CRACD: variants seen among roughly 807,000 people sequenced by gnomAD.
CRACD encodes the protein capping protein-inhibiting regulator of actin dynamics.
Under a neutral mutation model 106.8 loss-of-function variants are expected in CRACD, and 56 were observed. That is an observed-to-expected ratio of 0.52 (90% CI 0.42 to 0.66). The LOEUF (loss-of-function observed/expected upper bound fraction) is 0.66, where lower values mean the gene tolerates loss of function less well. Ranked by LOEUF, CRACD falls within the 30% of genes least tolerant of loss-of-function variation. The pLI is 0.00. For missense variants in CRACD, 1,730 were observed against 1,623.2 expected (o/e 1.07, Z -1.13); for synonymous variants, 754 against 670.8 (o/e 1.12, Z -1.92).
intron 1 of CRACD, among the ~76,000 whole-genome samples, chr4:56,133,712 TTGAAAC>T (rs2109868106): frequency 6.6e-6 from 1 of 152,320 alleles, no homozygotes; most frequent in Non-Finnish European, 1.5e-5. Context: ...GCTGAATTGG[TTGAAAC>T]AAGGATATGA....
chr4:56,321,246 G>T, intron 8 of CRACD: 2 of 236,614 alleles, frequency 8.5e-6, no homozygotes. Flanking sequence ...TGTGGACCTG[G>T]GATTGGGGTA....
chr4:56,219,677 T>A (rs1738924551), intron 2 of CRACD, among the ~76,000 whole-genome samples: 1 of 152,194 alleles, frequency 6.6e-6, no homozygotes, highest in South Asian at 2.1e-4. Context: ...TAGGAAAACA[T>A]CCTGGTCAAG....
chr4:56,323,967 C>G, intron 9 of CRACD, 137 bp from the exon 10 acceptor site: 1 of 919,628 alleles, frequency 1.1e-6, no homozygotes, highest in Non-Finnish European at 1.6e-6. Context: ...GCGTACATGG[C>G]TCATACATGT....
chr4:56,127,090 TC>T (rs1360026309), intron 1 of CRACD, among the ~76,000 whole-genome samples: 2 of 152,100 alleles, frequency 1.3e-5, no homozygotes, highest in African/African-American at 4.8e-5. Context: ...GGTTAGGTGC[TC>T]TTATGAAAGG....
At chr4:56,120,752 C>G (rs1398438501) in intron 1 of CRACD, among the ~76,000 whole-genome samples, 1 of 152,158 alleles carries the variant, frequency 6.6e-6, no homozygotes, top group Non-Finnish European at 1.5e-5. Flanking sequence ...TTTTAAATAT[C>G]CATGTATAAA....
chr4:56,171,072 TA>T (rs1213249030), intron 1 of CRACD, among the ~76,000 whole-genome samples: 1 of 151,704 alleles, frequency 6.6e-6, no homozygotes, highest in East Asian at 1.9e-4. Context: ...AAGAAACAAA[TA>T]AGATTTTTAA....
At chr4:56,204,042 A>C (rs1241054546) in intron 2 of CRACD, among the ~76,000 whole-genome samples, 2 of 152,260 alleles carry the variant, frequency 1.3e-5, no homozygotes, top group African/African-American at 2.4e-5. Context: ...TTTCAGATGG[A>C]CACAGCCCTG....
intron 10 of CRACD, among the ~76,000 whole-genome samples, chr4:56,325,364 G>A (rs1746372289): frequency 6.6e-6 from 1 of 152,154 alleles, no homozygotes; most frequent in African/African-American, 2.4e-5. Flanking sequence ...TGTGTAAAAT[G>A]TTGTATCTGA....
chr4:56,318,952 A>G (rs1211319374), intron 8 of CRACD, among the ~76,000 whole-genome samples: 1 of 152,068 alleles, frequency 6.6e-6, no homozygotes, highest in Non-Finnish European at 1.5e-5. Flanking sequence ...TCTTTGGCCA[A>G]CTTCTTCTTG....
chr4:56,316,398 A>G lies in CRACD; in HGVS notation c.2896A>G (p.Lys966Glu), dbSNP rs914502413. ...PLAQKPALAP[K>E]PTSQTPPASP... is the part of the protein sequence containing the mutation. ...GGCACAAAAGCCAGCACTGGCTCCC[A>G]AGCCCACCAGTCAGACCCCACCAGC... Residue 966 changes from lysine (K) to glutamate (E), a missense_variant, in exon 8 of 11, where the codon AAG (lysine) becomes GAG (glutamate). Transcript: ENST00000682029. 1.2e-6 allele frequency: 2 copies of G among 1,614,036 alleles called. No individual in the cohort carries two copies. The highest frequency in any genetic ancestry group is 2.7e-5 in the African/African-American group (2 of 74,944).
At chr4:56,313,589 G>A (rs62310633) in intron 7 of CRACD, among the ~76,000 whole-genome samples, 38,534 of 152,136 alleles carry the variant, frequency 0.25, 5,689 homozygotes, top group Non-Finnish European at 0.34. Flanking sequence ...CAGAGGGAGC[G>A]GTTGCCTTTT....
intron 1 of CRACD, among the ~76,000 whole-genome samples, chr4:56,068,555 A>G (rs576964034): frequency 6.6e-6 from 1 of 152,192 alleles, no homozygotes; most frequent in Non-Finnish European, 1.5e-5. Context: ...AAGGAGTATA[A>G]GAGCAGGGAG....
chr4:56,231,772 T>C (rs1483652956), intron 2 of CRACD, among the ~76,000 whole-genome samples: 1 of 152,190 alleles, frequency 6.6e-6, no homozygotes, highest in East Asian at 1.9e-4. Context: ...TGCTGTTGGA[T>C]TTCTTGATCT....
chr4:56,288,167 CCTTTTTTCTT>C (rs1022285204), intron 3 of CRACD, among the ~76,000 whole-genome samples: 1 of 152,110 alleles, frequency 6.6e-6, no homozygotes, highest in Non-Finnish European at 1.5e-5. Context: ...CTCTTCTTCT[CCTTTTTTCTT>C]CCTCTTTTCT....
intron 2 of CRACD, among the ~76,000 whole-genome samples, chr4:56,217,151 G>A (rs769807646): frequency 9.2e-5 from 14 of 152,038 alleles, no homozygotes; most frequent in Admixed American, 2.0e-4. Flanking sequence ...TCAGATGTCC[G>A]AGTTTCCTAG....
intron 4 of CRACD, among the ~76,000 whole-genome samples, chr4:56,306,699 G>C (rs1744733811): frequency 6.6e-6 from 1 of 152,094 alleles, no homozygotes; most frequent in Admixed American, 6.5e-5. Flanking sequence ...TTTCTAATCT[G>C]GCCTTCCTCT....
chr4:56,258,079 A>AG (rs1741479917), intron 2 of CRACD, among the ~76,000 whole-genome samples: 1 of 151,108 alleles, frequency 6.6e-6, no homozygotes. Flanking sequence ...AGAAAAAAAA[A>AG]CAAAAAAAAA....
At chr4:56,071,289 G>C (rs943567782) in intron 1 of CRACD, among the ~76,000 whole-genome samples, 3 of 152,144 alleles carry the variant, frequency 2.0e-5, no homozygotes, top group African/African-American at 7.2e-5. Context: ...GCAGTAACCA[G>C]TATCCTTTCA....
At chr4:56,094,582 T>C (rs1427207404) in intron 1 of CRACD, among the ~76,000 whole-genome samples, 3 of 152,108 alleles carry the variant, frequency 2.0e-5, no homozygotes, top group African/African-American at 7.2e-5. Flanking sequence ...GCCTCCCGAG[T>C]AGCTGGGACT....
Sources: gnomAD v4.1 joint callset for allele counts (sites outside exome capture counted in the v4.1 genomes callset) on GRCh38, gnomAD v4.1.1 for gene constraint, MANE v1.5 for transcripts, NCBI Gene and HGNC (gene_info 2026-07-23, HGNC 2026-07-21) for gene names.